Variants in ASIC2 observed in about 807,000 individuals in gnomAD.
The protein encoded by ASIC2 is acid-sensing ion channel 2.
ASIC2 carries 25 observed loss-of-function variants against 57.3 expected under a neutral mutation model. The ratio of observed to expected loss-of-function variants is 0.44; its 90% confidence interval spans 0.32 to 0.61. The LOEUF (loss-of-function observed/expected upper bound fraction) is 0.61, where lower values mean the gene tolerates loss of function less well. Among genes scored for constraint, ASIC2 ranks in the 20% least tolerant of loss-of-function variants. The pLI, the probability that ASIC2 is intolerant of heterozygous loss-of-function variation, is 0.06. For missense variants in ASIC2, 641 were observed against 738.1 expected (o/e 0.87, Z 1.52); for synonymous variants, 319 against 307.5 (o/e 1.04, Z -0.39).
chr17:33,120,380 G>A (rs1040950621), intron 1 of ASIC2, among the ~76,000 whole-genome samples: 1 of 152,200 alleles, frequency 6.6e-6, no homozygotes, highest in Admixed American at 6.5e-5. Context: ...AGCATCAAGC[G>A]CCTGCAAATC....
chr17:33,764,069 G>A (rs1042144882), intron 1 of ASIC2, among the ~76,000 whole-genome samples: 11 of 152,102 alleles, frequency 7.2e-5, no homozygotes, highest in African/African-American at 2.4e-4. Context: ...CGAGGCAGGC[G>A]GATCACGAGG....
intron 1 of ASIC2, among the ~76,000 whole-genome samples, chr17:34,040,851 TAACATC>T (rs1304511978): frequency 6.6e-6 from 1 of 152,172 alleles, no homozygotes; most frequent in Non-Finnish European, 1.5e-5. Context: ...TAATAAGAGT[TAACATC>T]ATTAACTAGT....
chr17:33,119,014 A>G (rs531487497), intron 1 of ASIC2, among the ~76,000 whole-genome samples: 15 of 152,256 alleles, frequency 9.9e-5, no homozygotes, highest in Admixed American at 9.2e-4. Flanking sequence ...ATACCCATGA[A>G]GACACGGTTT....
intron 1 of ASIC2, among the ~76,000 whole-genome samples, chr17:33,748,587 T>C (rs1910334584): frequency 6.6e-6 from 1 of 152,164 alleles, no homozygotes; most frequent in African/African-American, 2.4e-5. Flanking sequence ...AGTGGCAGGA[T>C]ACTGCCCCTC....
At chr17:33,505,791 C>T (rs1914231606) in intron 1 of ASIC2, among the ~76,000 whole-genome samples, 1 of 152,208 alleles carries the variant, frequency 6.6e-6, no homozygotes, top group Non-Finnish European at 1.5e-5. Context: ...ACCTTGCTAT[C>T]CTAGTCCTGA....
chr17:33,037,524 G>A (rs564643386), intron 3 of ASIC2, among the ~76,000 whole-genome samples: 1 of 151,350 alleles, frequency 6.6e-6, no homozygotes, highest in African/African-American at 2.4e-5. Context: ...ATTACTGTGT[G>A]CACAGCACCG....
intron 1 of ASIC2, among the ~76,000 whole-genome samples, chr17:33,239,971 C>G (rs1908440715): frequency 6.6e-6 from 1 of 152,192 alleles, no homozygotes; most frequent in Non-Finnish European, 1.5e-5. Context: ...CAGCATTGTT[C>G]TGTATCTGCC....
At position 33,422,350 on chromosome 17, in the gene ASIC2, C is replaced by A. The variant is rs368535829; in HGVS notation, c.556-310283G>T. On this transcript the variant is annotated intron_variant, in intron 1 of 9. Transcript: ENST00000359872. The stretch of plus-strand genomic sequence containing the variant: ...GCTCCTGTAGCAACCCCCGTCCCCA[C>A]AGCTCCACCCTGGGAAAGATAGAGT... Among the ~76,000 whole-genome samples the A allele has an allele frequency of 2.3e-3, 350 of 152,356 alleles. 4 individuals are homozygous for A. The highest frequency in any genetic ancestry group is 7.9e-3 in the African/African-American group (328 of 41,584).
At chr17:33,797,559 G>A (rs187667662) in intron 1 of ASIC2, among the ~76,000 whole-genome samples, 84 of 152,274 alleles carry the variant, frequency 5.5e-4, no homozygotes, top group African/African-American at 2.0e-3. Flanking sequence ...TTGATCATTA[G>A]TAAATAAATA....
At chr17:33,431,436 T>G (rs1428648518) in intron 1 of ASIC2, among the ~76,000 whole-genome samples, 1 of 151,980 alleles carries the variant, frequency 6.6e-6, no homozygotes, top group Non-Finnish European at 1.5e-5. Flanking sequence ...AAACCCTGTC[T>G]CTACTAAAAA....
chr17:33,876,501 A>G (rs918760987), intron 1 of ASIC2, among the ~76,000 whole-genome samples: 1 of 152,226 alleles, frequency 6.6e-6, no homozygotes. Context: ...CTCCTTTTCT[A>G]CTAACCATTT....
intron 1 of ASIC2, among the ~76,000 whole-genome samples, chr17:33,617,119 C>G (rs1905630975): frequency 6.6e-6 from 1 of 152,140 alleles, no homozygotes. Context: ...GCACCCTAGG[C>G]TTAGAATTTA....
At chr17:33,672,327 A>C (rs1597829799) in intron 1 of ASIC2, among the ~76,000 whole-genome samples, 1 of 147,832 alleles carries the variant, frequency 6.8e-6, no homozygotes, top group South Asian at 2.2e-4. Context: ...GCTATTACCC[A>C]CCCCCTCCCA....
chr17:33,742,849 G>C (rs918325362), intron 1 of ASIC2, among the ~76,000 whole-genome samples: 1 of 152,190 alleles, frequency 6.6e-6, no homozygotes, highest in Non-Finnish European at 1.5e-5. Context: ...GTGCAGGGTG[G>C]CATGATCCAT....
chr17:33,952,280 T>C (rs1452343876), intron 1 of ASIC2, among the ~76,000 whole-genome samples: 1 of 152,106 alleles, frequency 6.6e-6, no homozygotes, highest in Non-Finnish European at 1.5e-5. Flanking sequence ...GGGGAAGAGA[T>C]AGAAGGAAGA....
At chr17:34,132,970 CTGTTTGGGG>C (rs1912034822) in intron 1 of ASIC2, among the ~76,000 whole-genome samples, 1 of 152,234 alleles carries the variant, frequency 6.6e-6, no homozygotes, top group East Asian at 1.9e-4. Flanking sequence ...CCATCGCGGC[CTGTTTGGGG>C]TCACCCCAAT....
At chr17:33,244,236 T>C (rs1443495163) in intron 1 of ASIC2, among the ~76,000 whole-genome samples, 1 of 152,234 alleles carries the variant, frequency 6.6e-6, no homozygotes, top group Non-Finnish European at 1.5e-5. Context: ...TGAAACACTT[T>C]GCATTGGCAG....
chr17:33,792,453 A>T (rs1911802063), intron 1 of ASIC2: 2 of 152,230 alleles, frequency 1.3e-5, no homozygotes. Context: ...GAACCGGCTG[A>T]CTTCCAGGCT....
intron 1 of ASIC2, among the ~76,000 whole-genome samples, chr17:34,000,055 T>TG (rs201299501): frequency 1.1e-4 from 16 of 150,136 alleles, no homozygotes; most frequent in African/African-American, 3.2e-4. Context: ...TTATTGTTGT[T>TG]TTTTTTTTTT....
Sources: allele counts gnomAD v4.1 joint callset (sites outside exome capture counted in the v4.1 genomes callset), GRCh38; gene constraint gnomAD v4.1.1; transcripts MANE v1.5; gene names NCBI Gene and HGNC (gene_info 2026-07-23, HGNC 2026-07-21).